EPHB2: variants seen among roughly 807,000 people sequenced by gnomAD.
EPHB2 encodes the protein ephrin type-B receptor 2.
Under a neutral mutation model 96.4 loss-of-function variants are expected in EPHB2, and 18 were observed. The observed-to-expected ratio is 0.19, with a 90% CI of 0.13 to 0.28. The LOEUF (loss-of-function observed/expected upper bound fraction) is 0.28, where lower values mean the gene tolerates loss of function less well. Ranked by LOEUF, EPHB2 falls within the 10% of genes least tolerant of loss-of-function variation. The pLI is 1.00. For synonymous variants in EPHB2, 506 were observed against 534.1 expected (o/e 0.95, Z 0.72); for missense variants, 989 against 1,355.4 (o/e 0.73, Z 4.25).
intron 3 of EPHB2, among the ~76,000 whole-genome samples, chr1:22,787,157 A>G (rs1054975631): frequency 5.9e-5 from 9 of 152,286 alleles, no homozygotes; most frequent in African/African-American, 2.2e-4. Flanking sequence ...TAAATGTACA[A>G]AGGTGGTGAT....
rs751856545 is a variant in EPHB2 at position 22,784,767 on chromosome 1, C to A, written c.502C>A (p.Pro168Thr). 2.5e-6 allele frequency: 4 copies of A among 1,609,380 alleles called. No individual in the cohort carries two copies. The highest frequency in any genetic ancestry group is 3.4e-6 in the Non-Finnish European group (4 of 1,176,496). ...CAACACCGAGGTGCGGAGCTTCGGACCTGTGTCCCGCAGCGGCTTCTACCT... is the reference window on the plus strand; with the variant it reads ...CAACACCGAGGTGCGGAGCTTCGGAACTGTGTCCCGCAGCGGCTTCTACCT... ...KINTEVRSFG[P>T]VSRSGFYLAF... The change falls in exon 3 of 16, where the codon CCT (proline) becomes ACT (threonine). Residue 168 changes from proline to threonine, a missense_variant. Transcript: ENST00000374630. The surrounding 1 kb of genome is among the most constrained non-coding windows in gnomAD (Gnocchi z 5.1).
Position 22,913,468 on chromosome 1 carries a change from T to C in EPHB2, c.2859T>C (p.Ile953=), listed in dbSNP as rs781736982. The change falls in exon 16 of 16, where the codon ATT becomes ATC. Residue 953 remains isoleucine (I), a synonymous_variant. Transcript: ENST00000374630. The surrounding 1 kb of genome is among the most constrained non-coding windows in gnomAD (Gnocchi z 4.1). ...ACGTGCTTCTCTCCCAAAGGGACAT[T>C]CTCCGGGTTGGGGTCACTTTGGCTG... ...DVVSQMMMED[I]LRVGVTLAGH... The C allele has an allele frequency of 3.7e-6, 6 of 1,614,054 alleles. No homozygotes were observed. The highest frequency in any genetic ancestry group is 4.2e-6 in the Non-Finnish European group (5 of 1,180,014).
At chr1:22,763,023 G>A (rs967024787) in intron 1 of EPHB2, among the ~76,000 whole-genome samples, 7 of 152,050 alleles carry the variant, frequency 4.6e-5, no homozygotes, top group Admixed American at 1.3e-4. Context: ...TTCCTACCTC[G>A]AGGCCCAGAG....
At chr1:22,877,999 T>C (rs1159396127) in intron 5 of EPHB2, among the ~76,000 whole-genome samples, 1 of 152,254 alleles carries the variant, frequency 6.6e-6, no homozygotes, top group Non-Finnish European at 1.5e-5. Context: ...AGTGCTGCAA[T>C]CTAGAGAGAT....
chr1:22,722,183 G>A (rs992243492), intron 1 of EPHB2, among the ~76,000 whole-genome samples: 1 of 151,758 alleles, frequency 6.6e-6, no homozygotes, highest in African/African-American at 2.4e-5. Context: ...TTTTGGTAGA[G>A]ACGGAGTCTT....
intron 3 of EPHB2, among the ~76,000 whole-genome samples, chr1:22,821,380 G>T (rs759014115): frequency 1.3e-5 from 2 of 152,178 alleles, no homozygotes; most frequent in Non-Finnish European, 2.9e-5. Flanking sequence ...ACAATCATCA[G>T]TGACTTCCAT....
chr1:22,800,121 G>C (rs942663955), intron 3 of EPHB2: 2 of 152,322 alleles, frequency 1.3e-5, no homozygotes, highest in Admixed American at 6.5e-5. Context: ...GGAGCTCCCC[G>C]GAGACCCGGG....
intron 5 of EPHB2, among the ~76,000 whole-genome samples, chr1:22,872,175 C>T (rs1365314956): frequency 1.3e-5 from 2 of 152,160 alleles, no homozygotes; most frequent in Non-Finnish European, 2.9e-5. Flanking sequence ...AGGCCTCTCT[C>T]CCCTTGCTGA....
At position 22,847,000 on chromosome 1, in the gene EPHB2, A is replaced by C. The variant is rs1195404144; in HGVS notation, c.812-16037A>C. ...GGTGAGGCCATGTGATAGAGTAGTT[A>C]AGACCCTGCCTTTGGCCTCAGATGT... On this transcript the variant is annotated intron_variant, in intron 3 of 15. Coordinates refer to ENST00000374630, the MANE Select transcript of EPHB2 (RefSeq NM_017449.5). The surrounding 1 kb of genome is among the most constrained non-coding windows in gnomAD (Gnocchi z 4.3). Among the ~76,000 whole-genome samples, 5 of 152,164 alleles carry C rather than the reference A, an allele frequency of 3.3e-5. No homozygotes were observed. In the East Asian group the frequency reaches 9.6e-4, roughly 29 times the overall value.
chr1:22,852,411 C>G (rs555497399), intron 3 of EPHB2, among the ~76,000 whole-genome samples: 1 of 152,214 alleles, frequency 6.6e-6, no homozygotes, highest in Non-Finnish European at 1.5e-5. Context: ...AATGTCCTTC[C>G]TTAATTGCTT....
chr1:22,722,290 C>G (rs943525578), intron 1 of EPHB2, among the ~76,000 whole-genome samples: 9 of 152,160 alleles, frequency 5.9e-5, no homozygotes, highest in African/African-American at 2.2e-4. Context: ...AGCCACCATG[C>G]CTGGTCTGAA....
intron 3 of EPHB2, among the ~76,000 whole-genome samples, chr1:22,849,580 A>G (rs1645594631): frequency 6.6e-6 from 1 of 152,242 alleles, no homozygotes; most frequent in Non-Finnish European, 1.5e-5. Context: ...GGATCCATAT[A>G]GAACCAAAGA....
chr1:22,712,925 C>G (rs1462745216), intron 1 of EPHB2, among the ~76,000 whole-genome samples: 2 of 152,178 alleles, frequency 1.3e-5, no homozygotes, highest in African/African-American at 4.8e-5. Flanking sequence ...ATTGGCCCCT[C>G]TCTCGTTGGA....
At chr1:22,728,961 G>A (rs1570163184) in intron 1 of EPHB2, among the ~76,000 whole-genome samples, 1 of 152,234 alleles carries the variant, frequency 6.6e-6, no homozygotes. Flanking sequence ...CGAGGTTCCA[G>A]CTGCACGCGG....
intron 5 of EPHB2, among the ~76,000 whole-genome samples, chr1:22,879,771 A>G (rs1343798389): frequency 6.6e-6 from 1 of 152,228 alleles, no homozygotes; most frequent in Admixed American, 6.5e-5. Flanking sequence ...CACCCACAGC[A>G]CTGACAACAT....
chr1:22,812,174 A>C (rs146922614), intron 3 of EPHB2, among the ~76,000 whole-genome samples: 1 of 152,256 alleles, frequency 6.6e-6, no homozygotes, highest in Non-Finnish European at 1.5e-5. Context: ...TACTAGGAGG[A>C]TGAAATTGTA....
chr1:22,871,492 G>A (rs993904129), intron 5 of EPHB2, among the ~76,000 whole-genome samples: 1 of 152,176 alleles, frequency 6.6e-6, no homozygotes, highest in Non-Finnish European at 1.5e-5. Flanking sequence ...GATGTGAGAA[G>A]ACCTCATTTC....
At chr1:22,802,295 G>T (rs1644855864) in intron 3 of EPHB2, among the ~76,000 whole-genome samples, 1 of 152,180 alleles carries the variant, frequency 6.6e-6, no homozygotes, top group Non-Finnish European at 1.5e-5. Context: ...TGTCTACAGT[G>T]GAGTGGGCAC....
chr1:22,806,828 T>C (rs1644933921), intron 3 of EPHB2, among the ~76,000 whole-genome samples: 1 of 152,238 alleles, frequency 6.6e-6, no homozygotes, highest in Non-Finnish European at 1.5e-5. Flanking sequence ...TTTCAGCCCC[T>C]CTGCACAGCT....
Sources: gnomAD v4.1 joint callset for allele counts (sites outside exome capture counted in the v4.1 genomes callset) on GRCh38, gnomAD v4.1.1 for gene constraint, Gnocchi (gnomAD v3.1) non-coding constraint, MANE v1.5 for transcripts, NCBI Gene and HGNC (gene_info 2026-07-23, HGNC 2026-07-21) for gene names.